The following CUX2 variants were observed in gnomAD, a reference collection of about 807,000 sequenced individuals.
CUX2 encodes the protein cut like homeobox 2.
CUX2 carries 40 observed loss-of-function variants against 144.8 expected under a neutral mutation model. That is an observed-to-expected ratio of 0.28 (90% CI 0.21 to 0.36). The LOEUF (loss-of-function observed/expected upper bound fraction) is 0.36. CUX2 is among the 10% of genes least tolerant of loss of function. The pLI is 1.00. For missense variants in CUX2, 1,615 were observed against 1,994.0 expected (o/e 0.81, Z 3.62); for synonymous variants, 827 against 875.6 (o/e 0.94, Z 0.98).
chr12:111,280,214 G>A (rs761434957), intron 4 of CUX2, among the ~76,000 whole-genome samples: 17 of 152,156 alleles, frequency 1.1e-4, no homozygotes, highest in South Asian at 2.1e-4. Flanking sequence ...GCTTGAACCC[G>A]GGAGACGGAG....
Position 111,238,543 on chromosome 12 carries a change from C to T in CUX2, c.222+20606C>T, listed in dbSNP as rs1008084406. 7.9e-5 allele frequency among the ~76,000 whole-genome samples: 12 copies of T among 152,316 alleles called. No homozygotes were observed. The South Asian group carries it at 2.5e-3, about 32-fold the overall frequency. ...AGAGGTTAGGTAACTTACCCAAGGTCACACAGCTGGTGGCATGTGGCAGAG... is the reference window on the plus strand; with the variant it reads ...AGAGGTTAGGTAACTTACCCAAGGTTACACAGCTGGTGGCATGTGGCAGAG... On this transcript the variant is annotated intron_variant, in intron 3 of 21. Coordinates refer to ENST00000261726, the MANE Select transcript of CUX2 (RefSeq NM_015267.4).
intron 1 of CUX2, among the ~76,000 whole-genome samples, chr12:111,067,988 C>A (rs562681210): frequency 1.3e-5 from 2 of 152,130 alleles, no homozygotes; most frequent in Admixed American, 1.3e-4. Context: ...TCAGGGCAGC[C>A]CATCACGACC....
intron 4 of CUX2, among the ~76,000 whole-genome samples, chr12:111,279,945 G>A (rs2074189410): frequency 6.7e-6 from 1 of 150,080 alleles, no homozygotes; most frequent in African/African-American, 2.5e-5. Flanking sequence ...TTGCGCCACT[G>A]CACTCCAGCC....
chr12:111,112,715 G>A (rs547483492), intron 1 of CUX2, among the ~76,000 whole-genome samples: 39 of 152,148 alleles, frequency 2.6e-4, no homozygotes, highest in South Asian at 1.2e-3. Flanking sequence ...CCAGCTCATC[G>A]AGTTCTTTTA....
intron 14 of CUX2, 79 bp downstream of exon 14, chr12:111,308,605 A>G: frequency 8.3e-7 from 1 of 1,211,126 alleles, no homozygotes; most frequent in Admixed American, 2.1e-5. Flanking sequence ...ATGCCCAAGG[A>G]CCACTGCCTT....
chr12:111,088,707 G>A (rs1463608215), intron 1 of CUX2, among the ~76,000 whole-genome samples: 1 of 152,234 alleles, frequency 6.6e-6, no homozygotes, highest in Non-Finnish European at 1.5e-5. Flanking sequence ...GGTAGAGACA[G>A]GACGCAGACC....
chr12:111,329,093 C>T (rs1887973710), intron 18 of CUX2, among the ~76,000 whole-genome samples: 1 of 148,216 alleles, frequency 6.7e-6, no homozygotes, highest in Non-Finnish European at 1.5e-5. Context: ...CCCTGACCCT[C>T]CCTGTCCCTC....
chr12:111,103,717 C>G (rs1015552242), intron 1 of CUX2, among the ~76,000 whole-genome samples: 1 of 152,194 alleles, frequency 6.6e-6, no homozygotes, highest in Non-Finnish European at 1.5e-5. Flanking sequence ...CTGGAGTCAA[C>G]TTAAACAAAA....
intron 1 of CUX2, among the ~76,000 whole-genome samples, chr12:111,182,489 C>T (rs1179522840): frequency 6.6e-6 from 1 of 152,334 alleles, no homozygotes; most frequent in Non-Finnish European, 1.5e-5. Context: ...ACGTCCTTGA[C>T]GGTGGAACAG....
At chr12:111,109,898 T>C (rs755348628) in intron 1 of CUX2, among the ~76,000 whole-genome samples, 28 of 152,166 alleles carry the variant, frequency 1.8e-4, no homozygotes, top group Non-Finnish European at 3.8e-4. Context: ...TGGTTTGAGA[T>C]AGGATCTCAC....
At chr12:111,205,472 A>T (rs1050880168) in intron 1 of CUX2, among the ~76,000 whole-genome samples, 1 of 152,120 alleles carries the variant, frequency 6.6e-6, no homozygotes, top group Non-Finnish European at 1.5e-5. Context: ...TCATTCCACA[A>T]ATATTTATTG....
rs1039385893 is a variant in CUX2, at chr12:111,068,373, T to G, written c.63+34133T>G. On this transcript the variant is annotated intron_variant, in intron 1 of 21. Transcript: ENST00000261726. This position sits in a 1 kb window ranked among gnomAD's most constrained non-coding sequence, Gnocchi z 4.9. Reference sequence around the variant, plus strand: ...GTGCTTCCTGTGGATGAATGACATCTGTATGAAAAGCCAGCCAGCCGGCCG... The same window carrying G: ...GTGCTTCCTGTGGATGAATGACATCGGTATGAAAAGCCAGCCAGCCGGCCG... Among the ~76,000 whole-genome samples, 2 of 152,230 alleles carry G rather than the reference T, an allele frequency of 1.3e-5. No individual in the cohort carries two copies. The highest frequency in any genetic ancestry group is 4.8e-5 in the African/African-American group (2 of 41,454).
chr12:111,184,397 AG>A (rs1328802690), intron 1 of CUX2, among the ~76,000 whole-genome samples: 1 of 152,048 alleles, frequency 6.6e-6, no homozygotes, highest in African/African-American at 2.4e-5. Flanking sequence ...GTCCATGAGT[AG>A]GGGATTGGAA....
chr12:111,275,669 C>T (rs914690946), intron 4 of CUX2, among the ~76,000 whole-genome samples: 7 of 152,162 alleles, frequency 4.6e-5, no homozygotes, highest in African/African-American at 1.7e-4. Flanking sequence ...CTAGTATTTC[C>T]CCAAGTGCGG....
At chr12:111,270,340 C>A (rs1485451285) in intron 4 of CUX2, 1 of 152,156 alleles carries the variant, frequency 6.6e-6, no homozygotes, top group Non-Finnish European at 1.5e-5. Context: ...GCAGAGAATA[C>A]GACAGAGCCT....
intron 3 of CUX2, among the ~76,000 whole-genome samples, chr12:111,239,386 A>G (rs561460118): frequency 1.6e-4 from 25 of 152,358 alleles, no homozygotes; most frequent in Middle Eastern, 3.4e-3. Context: ...AGAGTCACCA[A>G]GCATGAAACG....
At chr12:111,254,336 G>A (rs1883705958) in intron 3 of CUX2, among the ~76,000 whole-genome samples, 1 of 152,170 alleles carries the variant, frequency 6.6e-6, no homozygotes, top group African/African-American at 2.4e-5. Flanking sequence ...CATGCACATA[G>A]TAGGTGCTCA....
At chr12:111,226,656 C>A (rs1298576372) in intron 3 of CUX2, among the ~76,000 whole-genome samples, 1 of 152,040 alleles carries the variant, frequency 6.6e-6, no homozygotes, top group Admixed American at 6.6e-5. Context: ...ATGACATTCC[C>A]TTTAACTAGA....
At chr12:111,280,648 A>G (rs1235938761) in intron 4 of CUX2, among the ~76,000 whole-genome samples, 1 of 152,098 alleles carries the variant, frequency 6.6e-6, no homozygotes, top group Admixed American at 6.5e-5. Flanking sequence ...GGGGTGTCAC[A>G]CGCCTCTCTC....
Sources: allele counts gnomAD v4.1 joint callset (sites outside exome capture counted in the v4.1 genomes callset), GRCh38; gene constraint gnomAD v4.1.1; non-coding constraint Gnocchi (gnomAD v3.1); transcripts MANE v1.5; gene names NCBI Gene and HGNC (gene_info 2026-07-23, HGNC 2026-07-21).